The following ROR1 variants were observed in gnomAD, a reference collection of about 807,000 sequenced individuals.
The protein encoded by ROR1 is ROR family WNT receptor 1.
In ROR1, 19 loss-of-function variants were observed where a neutral mutation model predicts 78.8. That is an observed-to-expected ratio of 0.24 (90% CI 0.17 to 0.35). The LOEUF (loss-of-function observed/expected upper bound fraction) is 0.35, where lower values mean the gene tolerates loss of function less well. Ranked by LOEUF, ROR1 falls within the 10% of genes least tolerant of loss-of-function variation. ROR1 has a pLI of 1.00. For missense variants in ROR1, 917 were observed against 1,177.8 expected (o/e 0.78, Z 3.24); for synonymous variants, 386 against 433.6 (o/e 0.89, Z 1.36).
At chr1:63,780,195 G>A (rs1441631467) in intron 1 of ROR1, among the ~76,000 whole-genome samples, 1 of 150,836 alleles carries the variant, frequency 6.6e-6, no homozygotes, top group African/African-American at 2.4e-5. Context: ...AGAGAGAGAG[G>A]GGGACTAAAA....
chr1:64,172,907 G>T (rs567760586), intron 8 of ROR1, among the ~76,000 whole-genome samples: 14 of 152,180 alleles, frequency 9.2e-5, no homozygotes, highest in African/African-American at 3.4e-4. Context: ...TAGCCTAAAG[G>T]GTTTGTATAA....
chr1:63,975,896 G>A (rs979270382), intron 1 of ROR1, among the ~76,000 whole-genome samples: 3 of 152,116 alleles, frequency 2.0e-5, no homozygotes, highest in African/African-American at 2.4e-5. Flanking sequence ...TAAAACAGAC[G>A]GCATTTGTTG....
chr1:63,818,469 T>G (rs1644905113), intron 1 of ROR1, among the ~76,000 whole-genome samples: 1 of 152,242 alleles, frequency 6.6e-6, no homozygotes, highest in African/African-American at 2.4e-5. Context: ...TATCACTTGT[T>G]TCTCCATCTA....
At chr1:64,080,394 G>A (rs1393806086) in intron 4 of ROR1, among the ~76,000 whole-genome samples, 1 of 152,142 alleles carries the variant, frequency 6.6e-6, no homozygotes, top group Non-Finnish European at 1.5e-5. Context: ...ATAGTGCTGA[G>A]GTTAAGAGAC....
intron 1 of ROR1, among the ~76,000 whole-genome samples, chr1:63,932,810 G>T (rs1399237427): frequency 6.6e-6 from 1 of 152,156 alleles, no homozygotes; most frequent in Non-Finnish European, 1.5e-5. Flanking sequence ...CAGTGTATGG[G>T]TATTCTCCCA....
chr1:63,855,681 G>T (rs1374573234), intron 1 of ROR1, among the ~76,000 whole-genome samples: 5 of 146,336 alleles, frequency 3.4e-5, no homozygotes, highest in Non-Finnish European at 6.0e-5. Context: ...ACGTAGTCTT[G>T]CTCTGTTGTC....
At chr1:63,775,785 AT>A (rs1644613086) in intron 1 of ROR1, among the ~76,000 whole-genome samples, 1 of 152,174 alleles carries the variant, frequency 6.6e-6, no homozygotes, top group South Asian at 2.1e-4. Flanking sequence ...CTAGAGTAGC[AT>A]TTTCTGAGGA....
At chr1:64,111,523 A>G (rs1044780481) in intron 4 of ROR1, among the ~76,000 whole-genome samples, 14 of 152,214 alleles carry the variant, frequency 9.2e-5, no homozygotes, top group African/African-American at 3.4e-4. Flanking sequence ...AACCCTCAGG[A>G]GCATGGGTCC....
rs147481344 is a variant in ROR1 at position 64,178,150 on chromosome 1, G to A, written c.2109G>A (p.Glu703=). 463 of 1,614,050 alleles carry A rather than the reference G, an allele frequency of 2.9e-4. 4 individuals are homozygous for A. The highest frequency in any genetic ancestry group is 3.8e-4 in the Admixed American group (23 of 60,000). The change falls in exon 9 of 9, where the codon GAG becomes GAA. Residue 703 remains glutamate (E), a synonymous_variant. Coordinates refer to ENST00000371079, the MANE Select transcript of ROR1 (RefSeq NM_005012.4). The surrounding 1 kb of genome is among the most constrained non-coding windows in gnomAD (Gnocchi z 4.3). ...YYGFSNQEVI[E]MVRKRQLLPC... ...GATTCAGTAACCAGGAAGTGATTGA[G>A]ATGGTGAGAAAACGGCAGCTCTTAC...
chr1:64,156,236 A>G (rs779774984), intron 7 of ROR1, among the ~76,000 whole-genome samples: 15 of 152,238 alleles, frequency 9.9e-5, no homozygotes, highest in Non-Finnish European at 2.2e-4. Context: ...CAAAGGGCCT[A>G]CTGAAGGTCA....
chr1:63,798,242 C>T (rs1387715956), intron 1 of ROR1, among the ~76,000 whole-genome samples: 1 of 152,198 alleles, frequency 6.6e-6, no homozygotes, highest in Non-Finnish European at 1.5e-5. Flanking sequence ...AGACCATCCA[C>T]ATTGGAGCCC....
At chr1:63,865,108 C>G (rs1645207059) in intron 1 of ROR1, among the ~76,000 whole-genome samples, 1 of 152,044 alleles carries the variant, frequency 6.6e-6, no homozygotes, top group Admixed American at 6.6e-5. Context: ...ACATTTTTCC[C>G]CAGGCAATTT....
intron 1 of ROR1, among the ~76,000 whole-genome samples, chr1:63,901,511 G>A (rs1645485057): frequency 6.6e-6 from 1 of 151,966 alleles, no homozygotes; most frequent in African/African-American, 2.4e-5. Flanking sequence ...AATGAACTCA[G>A]TATAAGTTCA....
chr1:64,162,089 A>T (rs1288328855), intron 8 of ROR1, among the ~76,000 whole-genome samples: 2 of 152,228 alleles, frequency 1.3e-5, no homozygotes, highest in Non-Finnish European at 2.9e-5. Context: ...ACTCCACCAG[A>T]GCAAAATCAA....
chr1:63,936,892 T>A (rs1397832819), intron 1 of ROR1, among the ~76,000 whole-genome samples: 1 of 152,186 alleles, frequency 6.6e-6, no homozygotes, highest in Non-Finnish European at 1.5e-5. Flanking sequence ...TTTAGGCCTC[T>A]TCATATTGCC....
chr1:64,009,348 A>T lies in ROR1; in HGVS notation c.135A>T (p.Ser45=). ...SVSAELVPTS[S]WNISSELNKD... is the part of the protein sequence containing the mutation. ...GTGCTGAATTAGTGCCTACCTCATC[A>T]TGGAACATCTCAAGTGAACTCAACA... Residue 45 remains serine (S), a synonymous_variant, in exon 2 of 9, where the codon TCA becomes TCT. Coordinates refer to ENST00000371079, the MANE Select transcript of ROR1 (RefSeq NM_005012.4). 6.2e-7 allele frequency: 1 copy of T among 1,613,784 alleles called. No homozygotes were observed. Among genetic ancestry groups the T allele is most frequent in the Non-Finnish European group, 8.5e-7 (1 of 1,179,754 alleles).
At chr1:63,825,816 T>C (rs904749715) in intron 1 of ROR1, among the ~76,000 whole-genome samples, 2 of 152,220 alleles carry the variant, frequency 1.3e-5, no homozygotes, top group Admixed American at 6.5e-5. Context: ...CCAAAATCCA[T>C]ATTCAGTAGG....
chr1:64,142,387 T>G lies in ROR1; in HGVS notation c.929-18T>G, dbSNP rs1487416745. Reference sequence around the variant, plus strand: ...CTATGTTTCTTTCTAATTGTTTGGGTTTTTGTGTGTTTTTCAGATCACAAG... The same window carrying G: ...CTATGTTTCTTTCTAATTGTTTGGGGTTTTGTGTGTTTTTCAGATCACAAG... On this transcript the variant is annotated intron_variant, in intron 6 of 8. Transcript: ENST00000371079. The G allele has an allele frequency of 9.3e-6, 15 of 1,612,418 alleles. No individual in the cohort carries two copies. The highest frequency in any genetic ancestry group is 3.5e-4 in the Middle Eastern group (2 of 5,762).
intron 1 of ROR1, among the ~76,000 whole-genome samples, chr1:63,949,338 G>A (rs1645915350): frequency 6.6e-6 from 1 of 152,090 alleles, no homozygotes; most frequent in African/African-American, 2.4e-5. Context: ...ACCCCCCAGA[G>A]AAGGAAAGGT....
Sources: gnomAD v4.1 joint callset for allele counts (sites outside exome capture counted in the v4.1 genomes callset) on GRCh38, gnomAD v4.1.1 for gene constraint, Gnocchi (gnomAD v3.1) non-coding constraint, MANE v1.5 for transcripts, NCBI Gene and HGNC (gene_info 2026-07-23, HGNC 2026-07-21) for gene names.